The following KLHL2 variants were observed in gnomAD, a reference collection of about 807,000 sequenced individuals.
KLHL2 encodes kelch like family member 2, also known as kelch-like protein 2.
In KLHL2, 15 loss-of-function variants were observed where a neutral mutation model predicts 75.8. The observed-to-expected ratio is 0.20, with a 90% CI of 0.13 to 0.30. The LOEUF (loss-of-function observed/expected upper bound fraction) is 0.30. Ranked by LOEUF, KLHL2 falls within the 10% of genes least tolerant of loss-of-function variation. The probability of loss-of-function intolerance (pLI) is 1.00; values close to 1 mark genes in which losing one functional copy is unlikely to be tolerated. For synonymous variants in KLHL2, 214 were observed against 251.9 expected (o/e 0.85, Z 1.42); for missense variants, 381 against 741.0 (o/e 0.51, Z 5.64).
chr4:165,246,674 G>T (rs1186166969), intron 4 of KLHL2, among the ~76,000 whole-genome samples: 1 of 152,196 alleles, frequency 6.6e-6, no homozygotes, highest in Non-Finnish European at 1.5e-5. Context: ...GTGGATTATA[G>T]TGCTGTTGTC....
At chr4:165,264,643 C>T (rs1246818892) in intron 5 of KLHL2, among the ~76,000 whole-genome samples, 1 of 134,322 alleles carries the variant, frequency 7.4e-6, no homozygotes, top group East Asian at 2.2e-4. Flanking sequence ...TATATATGTA[C>T]ACACATGTAT....
chr4:165,208,195 T>G (rs1225138003), intron 1 of KLHL2, among the ~76,000 whole-genome samples: 1 of 151,994 alleles, frequency 6.6e-6, no homozygotes, highest in African/African-American at 2.4e-5. Context: ...GCAGGTCCTG[T>G]GTGTACCTCC....
At position 165,242,448 on chromosome 4, in the gene KLHL2, T is replaced by C. The variant is rs574150561; in HGVS notation, c.381+3549T>C. On this transcript the variant is annotated intron_variant, in intron 4 of 14. Transcript: ENST00000226725. ...TCAGAGAATCCATGTACCTTGCTGC[T>C]TGCCCCACCTTCCACTGTTAAGAAT... Among the ~76,000 whole-genome samples the C allele has an allele frequency of 1.6e-4, 24 of 152,380 alleles. No individual in the cohort carries two copies. The South Asian group carries it at 4.8e-3, about 30-fold the overall frequency.
intron 4 of KLHL2, among the ~76,000 whole-genome samples, chr4:165,249,549 T>C (rs1443377281): frequency 6.6e-6 from 1 of 152,208 alleles, no homozygotes; most frequent in Non-Finnish European, 1.5e-5. Flanking sequence ...TGAGTATTGA[T>C]TACATACTGT....
At chr4:165,225,390 T>A (rs1160545053) in intron 2 of KLHL2, among the ~76,000 whole-genome samples, 1 of 152,212 alleles carries the variant, frequency 6.6e-6, no homozygotes, top group East Asian at 1.9e-4. Flanking sequence ...GTTAATCTTG[T>A]TTATTTTGGT....
At chr4:165,269,586 T>G (rs1231260927) in intron 5 of KLHL2, among the ~76,000 whole-genome samples, 1 of 143,180 alleles carries the variant, frequency 7.0e-6, no homozygotes, top group African/African-American at 2.5e-5. Flanking sequence ...TGAGTTTGGC[T>G]GGATATGAAA....
At chr4:165,244,825 T>G (rs1430099723) in intron 4 of KLHL2, among the ~76,000 whole-genome samples, 1 of 152,232 alleles carries the variant, frequency 6.6e-6, no homozygotes, top group Non-Finnish European at 1.5e-5. Context: ...AGCACTGACC[T>G]GATGGAACAA....
intron 4 of KLHL2, among the ~76,000 whole-genome samples, chr4:165,262,350 A>G (rs1337400592): frequency 1.3e-5 from 2 of 152,136 alleles, no homozygotes; most frequent in Non-Finnish European, 2.9e-5. Flanking sequence ...ACTGTTGTTG[A>G]ACTTTAAATT....
At chr4:165,242,428 G>A (rs1023159299) in intron 4 of KLHL2, among the ~76,000 whole-genome samples, 11 of 152,180 alleles carry the variant, frequency 7.2e-5, no homozygotes, top group African/African-American at 2.7e-4. Flanking sequence ...CACTTTCAGA[G>A]AATCCATGTA....
intron 9 of KLHL2, among the ~76,000 whole-genome samples, chr4:165,307,882 G>A (rs1433400510): frequency 6.6e-6 from 1 of 152,080 alleles, no homozygotes; most frequent in Non-Finnish European, 1.5e-5. Context: ...AAGATGTAAG[G>A]TATAGATTTT....
chr4:165,249,731 G>A (rs888275294), intron 4 of KLHL2, among the ~76,000 whole-genome samples: 1 of 152,230 alleles, frequency 6.6e-6, no homozygotes, highest in Admixed American at 6.5e-5. Flanking sequence ...TTGACACAGA[G>A]ATTCTCAACT....
intron 4 of KLHL2, among the ~76,000 whole-genome samples, chr4:165,239,457 G>T (rs1187783360): frequency 6.6e-6 from 1 of 151,816 alleles, no homozygotes; most frequent in African/African-American, 2.4e-5. Flanking sequence ...TTGTAGAGAG[G>T]TCTCACTGTG....
rs1028230687 is a variant in KLHL2, at chr4:165,322,884, CTTAAA to C, written c.*829_*833del. On this transcript the variant is annotated 3_prime_UTR_variant, in exon 15 of 15. Transcript: ENST00000226725. The stretch of plus-strand genomic sequence containing the variant: ...TTTGGTGTGTATTTTTAATTTTTTT[CTTAAA>C]TTAACACTTTGGCATGAACATTACT... 4.6e-5 allele frequency: 7 copies of C among 152,174 alleles called. No homozygotes were observed. The highest frequency in any genetic ancestry group is 1.7e-4 in the African/African-American group (7 of 41,298). The allele number at this position is 152,174 out of a possible 1,614,324, so 9.4% of individuals were successfully genotyped here. A position where few individuals can be genotyped will look rare whatever the true frequency, so the allele number is the denominator to read the frequency against.
intron 5 of KLHL2, among the ~76,000 whole-genome samples, chr4:165,283,296 G>A (rs1743835087): frequency 6.6e-6 from 1 of 152,176 alleles, no homozygotes; most frequent in African/African-American, 2.4e-5. Context: ...ACTCAGAGGT[G>A]CACAGTCCAA....
At chr4:165,306,754 A>T (rs947230884) in intron 9 of KLHL2, among the ~76,000 whole-genome samples, 3 of 152,204 alleles carry the variant, frequency 2.0e-5, no homozygotes, top group African/African-American at 7.2e-5. Flanking sequence ...AGTTTTATTG[A>T]TGTCACAGAT....
chr4:165,306,988 G>T (rs530033529), intron 9 of KLHL2, among the ~76,000 whole-genome samples: 1 of 152,290 alleles, frequency 6.6e-6, no homozygotes, highest in Admixed American at 6.5e-5. Flanking sequence ...GTGAGTGTGT[G>T]TATACACACA....
At chr4:165,262,453 C>A (rs1441108027) in intron 4 of KLHL2, among the ~76,000 whole-genome samples, 2 of 152,196 alleles carry the variant, frequency 1.3e-5, no homozygotes, top group African/African-American at 4.8e-5. Context: ...ATATGGATTA[C>A]TCTGGGGCCA....
intron 9 of KLHL2, among the ~76,000 whole-genome samples, chr4:165,308,266 A>G (rs978833239): frequency 1.1e-4 from 16 of 152,164 alleles, no homozygotes; most frequent in Non-Finnish European, 1.8e-4. Flanking sequence ...GCCATTTACT[A>G]ACTGGTTTCT....
At chr4:165,271,674 C>A (rs1490813828) in intron 5 of KLHL2, among the ~76,000 whole-genome samples, 4 of 152,170 alleles carry the variant, frequency 2.6e-5, no homozygotes, top group African/African-American at 9.7e-5. Flanking sequence ...CTGTCTGGGA[C>A]TTACGGAAGT....
Sources: gnomAD v4.1 joint callset for allele counts (sites outside exome capture counted in the v4.1 genomes callset) on GRCh38, gnomAD v4.1.1 for gene constraint, MANE v1.5 for transcripts, NCBI Gene and HGNC (gene_info 2026-07-23, HGNC 2026-07-21) for gene names.